The following DLG2 variants were observed in gnomAD, a reference collection of about 807,000 sequenced individuals.
DLG2 encodes the protein disks large homolog 2.
In DLG2, 45 loss-of-function variants were observed where a neutral mutation model predicts 132.5. That is an observed-to-expected ratio of 0.34 (90% CI 0.27 to 0.44). The LOEUF (loss-of-function observed/expected upper bound fraction) is 0.44. DLG2 is among the 20% of genes least tolerant of loss of function. DLG2 has a pLI of 1.00. For synonymous variants in DLG2, 424 were observed against 419.6 expected (o/e 1.01, Z -0.13); for missense variants, 1,045 against 1,196.9 (o/e 0.87, Z 1.87).
intron 6 of DLG2, among the ~76,000 whole-genome samples, chr11:84,543,300 G>A (rs1042654100): frequency 2.0e-5 from 3 of 152,078 alleles, no homozygotes; most frequent in African/African-American, 7.2e-5. Flanking sequence ...AGGAGGAAAG[G>A]CAAGAGAGAC....
At chr11:85,565,129 G>A (rs1015444856) in intron 3 of DLG2, among the ~76,000 whole-genome samples, 2 of 151,934 alleles carry the variant, frequency 1.3e-5, no homozygotes, top group African/African-American at 4.8e-5. Context: ...AGATTCCACA[G>A]GATTTTCTAC....
At chr11:84,591,254 T>TGTGTGTGTGTGTGC (rs2099542412) in intron 6 of DLG2, among the ~76,000 whole-genome samples, 1 of 151,246 alleles carries the variant, frequency 6.6e-6, no homozygotes, top group Non-Finnish European at 1.5e-5. Context: ...TGTGTGTGTG[T>TGTGTGTGTGTGTGC]GTGCGCGTCT....
At chr11:84,811,045 A>G (rs1163776021) in intron 6 of DLG2, among the ~76,000 whole-genome samples, 2 of 152,144 alleles carry the variant, frequency 1.3e-5, no homozygotes, top group Admixed American at 1.3e-4. Flanking sequence ...TGTGCTGTAG[A>G]CATTACCATT....
At chr11:84,069,527 C>T (rs1284460124) in intron 10 of DLG2, among the ~76,000 whole-genome samples, 1 of 152,194 alleles carries the variant, frequency 6.6e-6, no homozygotes, top group East Asian at 1.9e-4. Flanking sequence ...AACTGATAGC[C>T]TCTTCATTCC....
intron 3 of DLG2, among the ~76,000 whole-genome samples, chr11:85,499,210 A>G (rs1446984912): frequency 6.6e-6 from 1 of 152,172 alleles, no homozygotes; most frequent in African/African-American, 2.4e-5. Flanking sequence ...AAAACTAATA[A>G]AGAAGGAAAG....
At chr11:84,312,261 G>A (rs1367971557) in intron 7 of DLG2, among the ~76,000 whole-genome samples, 1 of 152,126 alleles carries the variant, frequency 6.6e-6, no homozygotes, top group Non-Finnish European at 1.5e-5. Context: ...CACAGGTCAG[G>A]AGTTTGAGAC....
intron 4 of DLG2, among the ~76,000 whole-genome samples, chr11:85,201,011 G>C (rs1347654680): frequency 6.6e-6 from 1 of 151,974 alleles, no homozygotes; most frequent in South Asian, 2.1e-4. Context: ...ATGAGAATAA[G>C]CTCTCCAGCC....
chr11:84,257,183 G>T (rs955555722), intron 7 of DLG2, among the ~76,000 whole-genome samples: 2 of 152,116 alleles, frequency 1.3e-5, no homozygotes, highest in Admixed American at 6.5e-5. Flanking sequence ...AATGTGGCAT[G>T]GTTGGGGGAG....
intron 17 of DLG2, among the ~76,000 whole-genome samples, chr11:83,813,502 C>T (rs1320850645): frequency 1.3e-5 from 2 of 152,044 alleles, no homozygotes; most frequent in African/African-American, 4.8e-5. Flanking sequence ...TGACACAAGG[C>T]CTTTTCACTC....
chr11:85,271,115 C>T lies in DLG2; in HGVS notation c.186+14105G>A, dbSNP rs562708239. ...GAAAAGATGGTTTTGTGGGCCAGGC[C>T]CAGGGTCCCTCTGCTGTGTGCAGTC... On this transcript the variant is annotated intron_variant, in intron 4 of 27. Transcript: ENST00000376104. Among the ~76,000 whole-genome samples, 4 of 152,286 alleles carry T rather than the reference C, an allele frequency of 2.6e-5. No homozygotes were observed. The South Asian group carries it at 8.3e-4, about 32-fold the overall frequency.
chr11:83,506,718 G>T (rs989714172), intron 21 of DLG2, among the ~76,000 whole-genome samples: 1 of 152,124 alleles, frequency 6.6e-6, no homozygotes, highest in South Asian at 2.1e-4. Flanking sequence ...GCAAAAAAAG[G>T]TTCATCAGAA....
At chr11:83,905,837 T>G (rs2074579762) in intron 15 of DLG2, among the ~76,000 whole-genome samples, 2 of 152,152 alleles carry the variant, frequency 1.3e-5, no homozygotes, top group Non-Finnish European at 2.9e-5. Context: ...CAACATACTG[T>G]TATGCAGCTG....
chr11:83,597,136 A>G (rs2057730293), intron 19 of DLG2, among the ~76,000 whole-genome samples: 1 of 152,192 alleles, frequency 6.6e-6, no homozygotes, highest in South Asian at 2.1e-4. Flanking sequence ...ATAGGGATGG[A>G]TAGATACCTA....
intron 3 of DLG2, among the ~76,000 whole-genome samples, chr11:85,550,016 C>T (rs1012374937): frequency 6.6e-6 from 1 of 152,218 alleles, no homozygotes; most frequent in Non-Finnish European, 1.5e-5. Flanking sequence ...GCAGCCCATG[C>T]CACCACTCTG....
At chr11:84,772,874 C>T (rs1407382346) in intron 6 of DLG2, among the ~76,000 whole-genome samples, 1 of 151,874 alleles carries the variant, frequency 6.6e-6, no homozygotes, top group African/African-American at 2.4e-5. Context: ...CCTAATATCA[C>T]ACCAAGAAAA....
chr11:85,219,925 T>TC (rs887809664), intron 4 of DLG2, among the ~76,000 whole-genome samples: 1 of 151,784 alleles, frequency 6.6e-6, no homozygotes, highest in Admixed American at 6.6e-5. Flanking sequence ...TGATTTGACA[T>TC]CCCAGGTCAC....
At chr11:85,363,637 G>T (rs1459958563) in intron 3 of DLG2, among the ~76,000 whole-genome samples, 3 of 152,118 alleles carry the variant, frequency 2.0e-5, no homozygotes, top group Non-Finnish European at 4.4e-5. Flanking sequence ...AATCCTGAAG[G>T]TTCACTGTGA....
chr11:84,449,778 T>C (rs1231146915), intron 7 of DLG2, among the ~76,000 whole-genome samples: 2 of 151,736 alleles, frequency 1.3e-5, no homozygotes, highest in African/African-American at 4.8e-5. Flanking sequence ...CTTATTGCCA[T>C]CCGAATAAAC....
intron 6 of DLG2, among the ~76,000 whole-genome samples, chr11:85,041,571 C>T (rs183880142): frequency 6.6e-6 from 1 of 151,936 alleles, no homozygotes; most frequent in East Asian, 1.9e-4. Context: ...TATGGGCTTC[C>T]ACATAGAAAA....
Sources: allele counts gnomAD v4.1 joint callset (sites outside exome capture counted in the v4.1 genomes callset), GRCh38; gene constraint gnomAD v4.1.1; transcripts MANE v1.5; gene names NCBI Gene and HGNC (gene_info 2026-07-23, HGNC 2026-07-21).